The following FHIT variants were observed in gnomAD, a reference collection of about 807,000 sequenced individuals.
FHIT encodes the protein bis(5'-adenosyl)-triphosphatase.
Under a neutral mutation model 17.9 loss-of-function variants are expected in FHIT, and 19 were observed. That is an observed-to-expected ratio of 1.06 (90% CI 0.74 to 1.56). The LOEUF is 1.56. FHIT is among the 40% of genes most tolerant of loss of function. FHIT has a pLI of 0.00. For missense variants in FHIT, 248 were observed against 189.2 expected (o/e 1.31, Z -1.82); for synonymous variants, 81 against 69.7 (o/e 1.16, Z -0.81).
chr3:60,050,137 A>G (rs1218095397), intron 5 of FHIT, among the ~76,000 whole-genome samples: 1 of 152,150 alleles, frequency 6.6e-6, no homozygotes, highest in Admixed American at 6.6e-5. Context: ...TTATTTACCA[A>G]TTAGTAGAAG....
At chr3:61,097,246 A>C (rs1428170824) in intron 2 of FHIT, among the ~76,000 whole-genome samples, 1 of 152,138 alleles carries the variant, frequency 6.6e-6, no homozygotes, top group Non-Finnish European at 1.5e-5. Flanking sequence ...TGGGTGCAGG[A>C]CAGTGGGTGC....
At chr3:60,276,039 G>C (rs1445580323) in intron 5 of FHIT, among the ~76,000 whole-genome samples, 1 of 151,306 alleles carries the variant, frequency 6.6e-6, no homozygotes, top group East Asian at 1.9e-4. Flanking sequence ...CCAGGCTGGA[G>C]TGCAGTGGCA....
At chr3:59,788,156 A>G (rs910129170) in intron 8 of FHIT, among the ~76,000 whole-genome samples, 1 of 151,882 alleles carries the variant, frequency 6.6e-6, no homozygotes, top group Admixed American at 6.6e-5. Flanking sequence ...TATTAACCAC[A>G]TTTTCCCCTC....
Position 60,500,924 on chromosome 3 carries a change from G to A in FHIT, c.103+35936C>T, listed in dbSNP as rs139449260. 3.0e-4 allele frequency among the ~76,000 whole-genome samples: 46 copies of A among 152,192 alleles called. No individual in the cohort carries two copies. In the East Asian group the frequency reaches 8.3e-3, roughly 27 times the overall value. ...TTTTTGGAAGAAAACATTATATCCG[G>A]TGGCTAACACAGGGCTTGGCACATA... On this transcript the variant is annotated intron_variant, in intron 5 of 9. Transcript: ENST00000492590.
chr3:61,008,195 G>GT (rs145126259), intron 3 of FHIT, among the ~76,000 whole-genome samples: 2,355 of 152,306 alleles, frequency 0.015, 66 homozygotes, highest in African/African-American at 0.054. Context: ...TGGTTTTCCA[G>GT]TTTTTGCAGG....
At chr3:60,376,591 A>G (rs1700571471) in intron 5 of FHIT, among the ~76,000 whole-genome samples, 1 of 152,206 alleles carries the variant, frequency 6.6e-6, no homozygotes, top group Non-Finnish European at 1.5e-5. Context: ...TCTCTGCAAA[A>G]GAAAAATTTC....
chr3:61,210,722 G>A (rs1241097601), intron 1 of FHIT, among the ~76,000 whole-genome samples: 1 of 152,068 alleles, frequency 6.6e-6, no homozygotes, highest in Admixed American at 6.5e-5. Context: ...TCTTTTACTA[G>A]GAAAGGGAAT....
At chr3:60,871,499 T>C (rs559973872) in intron 3 of FHIT, among the ~76,000 whole-genome samples, 11 of 152,234 alleles carry the variant, frequency 7.2e-5, no homozygotes, top group African/African-American at 2.6e-4. Flanking sequence ...TTTTTAAAAA[T>C]AGTAAGTTTA....
At chr3:60,207,617 T>C (rs1397469978) in intron 5 of FHIT, among the ~76,000 whole-genome samples, 2 of 152,158 alleles carry the variant, frequency 1.3e-5, no homozygotes, top group Non-Finnish European at 2.9e-5. Flanking sequence ...ATGGCGGTGA[T>C]GAGAACAACG....
chr3:59,922,447 T>C, intron 7 of FHIT, 33 bp from the exon 8 acceptor site: 1 of 1,560,680 alleles, frequency 6.4e-7, no homozygotes, highest in Non-Finnish European at 8.8e-7. Context: ...AAAAATGTGA[T>C]TATCTCCCCA....
chr3:60,861,625 T>A (rs1703900541), intron 3 of FHIT, among the ~76,000 whole-genome samples: 1 of 151,962 alleles, frequency 6.6e-6, no homozygotes, highest in African/African-American at 2.4e-5. Context: ...GTCTAGTCTC[T>A]CATGTTCCCC....
At chr3:61,233,118 G>A (rs1463440566) in intron 1 of FHIT, among the ~76,000 whole-genome samples, 1 of 152,160 alleles carries the variant, frequency 6.6e-6, no homozygotes, top group Non-Finnish European at 1.5e-5. Context: ...CATTGCTGGT[G>A]TTAGTCACAC....
At chr3:60,357,392 C>T (rs1398179983) in intron 5 of FHIT, among the ~76,000 whole-genome samples, 1 of 151,974 alleles carries the variant, frequency 6.6e-6, no homozygotes, top group African/African-American at 2.4e-5. Flanking sequence ...TACAGGCACC[C>T]ATCACCACAC....
At chr3:60,820,415 C>G (rs1041785790) in intron 4 of FHIT, among the ~76,000 whole-genome samples, 9 of 152,154 alleles carry the variant, frequency 5.9e-5, no homozygotes, top group Admixed American at 1.3e-4. Context: ...CACCAGTGCT[C>G]CATTTTACCT....
chr3:60,419,342 A>G (rs1702386692), intron 5 of FHIT, among the ~76,000 whole-genome samples: 1 of 152,160 alleles, frequency 6.6e-6, no homozygotes, highest in Non-Finnish European at 1.5e-5. Context: ...TGCCTCAGTT[A>G]TTATTTGAAA....
At chr3:59,948,185 C>T (rs545165969) in intron 7 of FHIT, among the ~76,000 whole-genome samples, 1 of 151,828 alleles carries the variant, frequency 6.6e-6, no homozygotes, top group Non-Finnish European at 1.5e-5. Context: ...TTGTTGGGTC[C>T]TATGATAAGT....
At chr3:60,616,631 G>C (rs973467085) in intron 4 of FHIT, among the ~76,000 whole-genome samples, 1 of 151,960 alleles carries the variant, frequency 6.6e-6, no homozygotes, top group African/African-American at 2.4e-5. Context: ...AAACGTGAAA[G>C]ATCTATATAA....
At chr3:61,237,843 A>C (rs1486533238) in intron 1 of FHIT, among the ~76,000 whole-genome samples, 1 of 152,236 alleles carries the variant, frequency 6.6e-6, no homozygotes, top group African/African-American at 2.4e-5. Context: ...AGGCAAAGCC[A>C]GAAGTGAGTC....
At chr3:60,628,829 T>C (rs2039363800) in intron 4 of FHIT, among the ~76,000 whole-genome samples, 1 of 152,176 alleles carries the variant, frequency 6.6e-6, no homozygotes. Flanking sequence ...ATGGACTGCT[T>C]CTACCCCTAG....
Sources: gnomAD v4.1 joint callset for allele counts (sites outside exome capture counted in the v4.1 genomes callset) on GRCh38, gnomAD v4.1.1 for gene constraint, MANE v1.5 for transcripts, NCBI Gene and HGNC (gene_info 2026-07-23, HGNC 2026-07-21) for gene names.